The following SHPK variants were observed in gnomAD, a reference collection of about 807,000 sequenced individuals.
SHPK encodes the protein sedoheptulokinase.
SHPK carries 51 observed loss-of-function variants against 46.3 expected under a neutral mutation model. That is an observed-to-expected ratio of 1.10 (90% CI 0.88 to 1.39). SHPK has a LOEUF of 1.39. Ranked by LOEUF, SHPK falls within the 40% of genes most tolerant of loss-of-function variation. The probability of loss-of-function intolerance (pLI) is 0.00; values close to 1 mark genes in which losing one functional copy is unlikely to be tolerated. For missense variants in SHPK, 668 were observed against 641.3 expected (o/e 1.04, Z -0.45); for synonymous variants, 290 against 273.9 (o/e 1.06, Z -0.58).
chr17:3,623,466 C>T lies in SHPK; in HGVS notation c.520G>A (p.Ala174Thr), dbSNP rs868743397. Reference sequence around the variant, plus strand: ...ACATAGTCGTGGATGGTACCGGCTGCGTCGTAGGACTTCAGGAACTCTGGG... The same window carrying T: ...ACATAGTCGTGGATGGTACCGGCTGTGTCGTAGGACTTCAGGAACTCTGGG... ...YRPEFLKSYD[A>T]AGTIHDYVVA... is the part of the protein sequence containing the mutation. The change falls in exon 4 of 7, where the codon GCA (alanine) becomes ACA (threonine). Residue 174 changes from alanine to threonine, a missense_variant. Physicochemically the swap from Ala to Thr is moderately conservative, Grantham distance 58 (BLOSUM62 0). Coordinates refer to ENST00000225519, the MANE Select transcript of SHPK (RefSeq NM_013276.4). The T allele has an allele frequency of 2.5e-6, 4 of 1,614,142 alleles. No individual in the cohort carries two copies. Among genetic ancestry groups the T allele is most frequent in the East Asian group, 2.2e-5 (1 of 44,894 alleles).
At chr17:3,622,107 C>A (rs2075406944) in intron 4 of SHPK, among the ~76,000 whole-genome samples, 1 of 152,202 alleles carries the variant, frequency 6.6e-6, no homozygotes, top group African/African-American at 2.4e-5. Flanking sequence ...TGCACCACCA[C>A]ACCCAGCTGC....
Position 3,633,151 on chromosome 17 carries a change from G to A in SHPK, c.169-2805C>T, listed in dbSNP as rs184388023. ...GCATCACCACGCCCGGCTAATTTTTGTTATTTTGTAGTAGAGACAGGGTTT... is the reference window on the plus strand; with the variant it reads ...GCATCACCACGCCCGGCTAATTTTTATTATTTTGTAGTAGAGACAGGGTTT... On this transcript the variant is annotated intron_variant, in intron 1 of 6. Coordinates refer to ENST00000225519, the MANE Select transcript of SHPK (RefSeq NM_013276.4). Among the ~76,000 whole-genome samples, 4 of 151,006 alleles carry A rather than the reference G, an allele frequency of 2.6e-5. No individual in the cohort carries two copies. In the Admixed American group the frequency reaches 2.7e-4, roughly 10 times the overall value.
intron 2 of SHPK, among the ~76,000 whole-genome samples, chr17:3,626,479 T>G (rs372115): frequency 0.52 from 78,708 of 151,112 alleles, 21,190 homozygotes; most frequent in Non-Finnish European, 0.6. Context: ...ACTTTGGGAG[T>G]ATGAGGCGGG....
At chr17:3,611,086 C>T in intron 6 of SHPK, 114 bp from the exon 7 acceptor site, 1 of 1,005,818 alleles carries the variant, frequency 9.9e-7, no homozygotes, top group Non-Finnish European at 1.4e-6. Flanking sequence ...TCTCCTCCCG[C>T]TGCAGCTGGT....
chr17:3,634,571 C>CAAAAAAAA (rs11311796), intron 1 of SHPK, among the ~76,000 whole-genome samples: 1 of 89,766 alleles, frequency 1.1e-5, no homozygotes. Flanking sequence ...GACCCTGTCT[C>CAAAAAAAA]AAAAAAAAAA....
chr17:3,635,725 C>A (rs1453921447), intron 1 of SHPK, among the ~76,000 whole-genome samples: 2 of 152,012 alleles, frequency 1.3e-5, no homozygotes, highest in Non-Finnish European at 2.9e-5. Flanking sequence ...GGCCTGTGGT[C>A]ATTCCATACA....
intron 2 of SHPK, among the ~76,000 whole-genome samples, chr17:3,627,338 C>T (rs1174310136): frequency 6.6e-6 from 1 of 152,086 alleles, no homozygotes; most frequent in African/African-American, 2.4e-5. Flanking sequence ...CTAATCACTC[C>T]GTCTCCTCCC....
intron 5 of SHPK, among the ~76,000 whole-genome samples, chr17:3,618,103 CTT>C (rs1484864327): frequency 6.6e-6 from 1 of 152,074 alleles, no homozygotes; most frequent in Admixed American, 6.6e-5. Flanking sequence ...CAAATAAACT[CTT>C]TGTTTGTTTG....
Position 3,610,721 on chromosome 17 carries a change from T to C in SHPK, c.1276A>G (p.Arg426Gly), listed in dbSNP as rs1332518530. The C allele has an allele frequency of 6.2e-7, 1 of 1,613,996 alleles. No individual in the cohort carries two copies. Among genetic ancestry groups the C allele is most frequent in the Admixed American group, 1.7e-5 (1 of 60,014 alleles). The change falls in exon 7 of 7, where the codon AGG becomes GGG. Residue 426 changes from arginine (R) to glycine (G), a missense_variant. Coordinates refer to ENST00000225519, the MANE Select transcript of SHPK (RefSeq NM_013276.4). ...AGCGCACTCCCACTGCCCATCACCCTCTCCACGCCCCACTCCTGGAGCTGC... is the reference window on the plus strand; with the variant it reads ...AGCGCACTCCCACTGCCCATCACCCCCTCCACGCCCCACTCCTGGAGCTGC... ...IQQLQEWGVE[R>G]VMGSGSALSR...
chr17:3,622,569 T>C, intron 4 of SHPK: 2 of 985,140 alleles, frequency 2.0e-6, no homozygotes, highest in Non-Finnish European at 2.4e-6. Context: ...CTTTTTGTTT[T>C]ATTTCAGAGC....
chr17:3,610,970 G>A lies in SHPK; in HGVS notation c.1027C>T (p.Leu343=). The A allele has an allele frequency of 6.2e-7, 1 of 1,602,064 alleles. No individual in the cohort carries two copies. Among genetic ancestry groups the A allele is most frequent in the Non-Finnish European group, 8.5e-7 (1 of 1,171,556 alleles). Residue 343 remains leucine, a splice_region_variant and synonymous_variant, in exon 7 of 7, where the codon CTG becomes TTG. Coordinates refer to ENST00000225519, the MANE Select transcript of SHPK (RefSeq NM_013276.4). ...TACACAGTGGATTCTTCAACCTCCA[G>A]GCCTGCCAGAGACAGAGAAGATCTG... ...MLVQWMADLG[L]EVEESTVYSR...
rs966479058 is a variant in SHPK, at chr17:3,636,071, C to G, written c.149G>C (p.Ser50Thr). Reference sequence around the variant, plus strand: ...ACTCACCTGGGGCCCGGCCACCGCGCTCTCGACCGCCGCCTCTGCCCGCGC... The same window carrying G: ...ACTCACCTGGGGCCCGGCCACCGCGGTCTCGACCGCCGCCTCTGCCCGCGC... Reference protein sequence around the residue: ...RAARAEAAVESAVAGPQGREQ... With the variant: ...RAARAEAAVETAVAGPQGREQ... Residue 50 changes from serine (S) to threonine (T), a missense_variant, in exon 1 of 7, where the codon AGC becomes ACC. Coordinates refer to ENST00000225519, the MANE Select transcript of SHPK (RefSeq NM_013276.4). 27 of 1,580,664 alleles carry G rather than the reference C, an allele frequency of 1.7e-5. No homozygotes were observed. The highest frequency in any genetic ancestry group is 2.3e-5 in the Non-Finnish European group (27 of 1,165,464).
intron 5 of SHPK, among the ~76,000 whole-genome samples, chr17:3,617,306 T>C (rs776507985): frequency 6.6e-6 from 1 of 152,150 alleles, no homozygotes; most frequent in African/African-American, 2.4e-5. Context: ...CTGCTGCACA[T>C]TGGGAGGCCT....
chr17:3,616,570 T>C (rs1470912614), intron 5 of SHPK, among the ~76,000 whole-genome samples: 1 of 152,050 alleles, frequency 6.6e-6, no homozygotes, highest in Admixed American at 6.6e-5. Context: ...ATAATAAATG[T>C]CTGTTGTTTT....
rs1480560951 is a variant in SHPK at position 3,610,439 on chromosome 17, C to G, written c.*121G>C. ...AGTTCTTGGCCGAGATGGGACCTCA[C>G]AACAAGCACTGCTTGAAAGCTGTCC... On this transcript the variant is annotated 3_prime_UTR_variant, in exon 7 of 7. Transcript: ENST00000225519. The G allele has an allele frequency of 2.8e-6, 3 of 1,068,684 alleles. No homozygotes were observed. The highest frequency in any genetic ancestry group is 4.1e-6 in the Non-Finnish European group (3 of 739,376). The allele number at this position is 1,068,684 out of a possible 1,614,324, so 66.2% of individuals were successfully genotyped here.
intron 2 of SHPK, among the ~76,000 whole-genome samples, chr17:3,624,882 T>C (rs2075424363): frequency 6.6e-6 from 1 of 152,138 alleles, no homozygotes; most frequent in South Asian, 2.1e-4. Context: ...CTCGAACTCC[T>C]GAGCTCAGGC....
chr17:3,633,430 A>G (rs2075485394), intron 1 of SHPK, among the ~76,000 whole-genome samples: 1 of 151,448 alleles, frequency 6.6e-6, no homozygotes, highest in Admixed American at 6.6e-5. Flanking sequence ...GTTGCTAAAC[A>G]TTCTACAACA....
At chr17:3,611,881 A>G (rs2075342420) in intron 6 of SHPK, among the ~76,000 whole-genome samples, 1 of 141,242 alleles carries the variant, frequency 7.1e-6, no homozygotes, top group Admixed American at 7.8e-5. Flanking sequence ...TCGGCTCACT[A>G]TAACCTCTGC....
chr17:3,630,834 A>G (rs910351514), intron 1 of SHPK, among the ~76,000 whole-genome samples: 2 of 152,226 alleles, frequency 1.3e-5, no homozygotes, highest in African/African-American at 2.4e-5. Flanking sequence ...ACGGCACTCC[A>G]GCCTGGGTGA....
Sources: gnomAD v4.1 joint callset for allele counts (sites outside exome capture counted in the v4.1 genomes callset) on GRCh38, gnomAD v4.1.1 for gene constraint, MANE v1.5 for transcripts, NCBI Gene and HGNC (gene_info 2026-07-23, HGNC 2026-07-21) for gene names.